Variants in HLCS observed in about 807,000 individuals in gnomAD.
HLCS encodes the protein holocarboxylase synthetase, also known as biotin--protein ligase.
In HLCS, 53 loss-of-function variants were observed where a neutral mutation model predicts 75.0. The observed-to-expected ratio is 0.71, with a 90% CI of 0.57 to 0.89. HLCS has a LOEUF of 0.89. Ranked by LOEUF, HLCS falls within the 40% of genes least tolerant of loss-of-function variation. The pLI is 0.00. For missense variants in HLCS, 966 were observed against 1,074.0 expected (o/e 0.90, Z 1.41); for synonymous variants, 431 against 428.6 (o/e 1.01, Z -0.07).
At chr21:36,861,863 ACTAT>A (rs2063392726) in intron 6 of HLCS, among the ~76,000 whole-genome samples, 1 of 152,096 alleles carries the variant, frequency 6.6e-6, no homozygotes, top group Admixed American at 6.5e-5. Flanking sequence ...AACCATTTCC[ACTAT>A]CTAATTCCAG....
chr21:36,804,724 T>C (rs781782341), intron 6 of HLCS, among the ~76,000 whole-genome samples: 2 of 152,150 alleles, frequency 1.3e-5, no homozygotes, highest in African/African-American at 4.8e-5. Flanking sequence ...CAAGTGCTTG[T>C]ATTTATTTGC....
intron 5 of HLCS, among the ~76,000 whole-genome samples, chr21:36,922,294 T>C (rs2066205233): frequency 6.6e-6 from 1 of 152,236 alleles, no homozygotes; most frequent in Non-Finnish European, 1.5e-5. Flanking sequence ...GTATACCACA[T>C]GATGCTTTGA....
intron 6 of HLCS, among the ~76,000 whole-genome samples, chr21:36,817,901 C>T (rs1332178048): frequency 6.6e-6 from 1 of 152,202 alleles, no homozygotes; most frequent in African/African-American, 2.4e-5. Context: ...AAGCCGCCTA[C>T]AGCTGGCTAA....
chr21:36,889,073 G>A (rs1018480655), intron 6 of HLCS, among the ~76,000 whole-genome samples: 8 of 152,174 alleles, frequency 5.3e-5, no homozygotes, highest in Non-Finnish European at 1.2e-4. Context: ...GAGCCGCCAG[G>A]ACACCTCTCC....
intron 6 of HLCS, among the ~76,000 whole-genome samples, chr21:36,772,722 C>T (rs572543330): frequency 1.3e-4 from 20 of 151,238 alleles, no homozygotes; most frequent in African/African-American, 4.6e-4. Context: ...TGTTGGTTCA[C>T]GCCTGTAATC....
At position 36,806,215 on chromosome 21, in the gene HLCS, G is replaced by A. The variant is rs377039860; in HGVS notation, c.1893-38930C>T. On this transcript the variant is annotated intron_variant, in intron 6 of 10. Transcript: ENST00000674895. ...ATTGAGTTCAGCACAGTCAGGACCA[G>A]AGCCTTTTCCACCATTCATCTCAGG... 7 of 152,574 alleles carry A rather than the reference G, an allele frequency of 4.6e-5. No individual in the cohort carries two copies. In the East Asian group the frequency reaches 1.3e-3, roughly 29 times the overall value. 9.5% of individuals were successfully genotyped at this position (152,574 alleles called of 1,614,324 possible). A position where few individuals can be genotyped will look rare whatever the true frequency, so the allele number is the denominator to read the frequency against.
intron 2 of HLCS, among the ~76,000 whole-genome samples, chr21:36,953,351 T>C (rs2067761862): frequency 6.6e-6 from 1 of 151,724 alleles, no homozygotes; most frequent in East Asian, 1.9e-4. Context: ...ACTGGTGGAG[T>C]AGCACGGGAG....
chr21:36,835,685 C>T (rs1215482292), intron 6 of HLCS, among the ~76,000 whole-genome samples: 1 of 152,204 alleles, frequency 6.6e-6, no homozygotes, highest in East Asian at 1.9e-4. Context: ...AGGGCAGAAT[C>T]AGCTGTCACA....
At chr21:36,844,968 G>A (rs937323869) in intron 6 of HLCS, among the ~76,000 whole-genome samples, 1 of 152,116 alleles carries the variant, frequency 6.6e-6, no homozygotes, top group African/African-American at 2.4e-5. Flanking sequence ...ATACAGCAGA[G>A]AAGGTCAATT....
intron 6 of HLCS, among the ~76,000 whole-genome samples, chr21:36,782,130 T>C (rs989218053): frequency 6.6e-6 from 1 of 152,198 alleles, no homozygotes; most frequent in African/African-American, 2.4e-5. Flanking sequence ...GTAATTTTTA[T>C]ACTGTCTTTA....
intron 2 of HLCS, among the ~76,000 whole-genome samples, chr21:36,957,461 G>A (rs1416970707): frequency 6.6e-6 from 1 of 152,082 alleles, no homozygotes; most frequent in African/African-American, 2.4e-5. Flanking sequence ...AGCAATGCAA[G>A]AACTGCCTAA....
chr21:36,970,877 C>T (rs1480856677), upstream of HLCS, among the ~76,000 whole-genome samples: 1 of 151,694 alleles, frequency 6.6e-6, no homozygotes, highest in African/African-American at 2.4e-5. Flanking sequence ...GCCTGTAATC[C>T]CAGCTACTGA....
At chr21:36,776,813 A>G (rs888041012) in intron 6 of HLCS, among the ~76,000 whole-genome samples, 3 of 152,248 alleles carry the variant, frequency 2.0e-5, no homozygotes, top group Non-Finnish European at 4.4e-5. Context: ...TCTGTGCTCA[A>G]TTGCTCAAAC....
At chr21:36,956,586 C>A (rs2843633) in intron 2 of HLCS, among the ~76,000 whole-genome samples, 100,728 of 151,620 alleles carry the variant, frequency 0.66, 33,758 homozygotes, top group East Asian at 0.89. Flanking sequence ...AAAAATTAGC[C>A]GGGTGTGGTG....
chr21:36,902,529 G>A (rs1417745085), intron 5 of HLCS, among the ~76,000 whole-genome samples: 6 of 152,324 alleles, frequency 3.9e-5, no homozygotes, highest in African/African-American at 2.4e-5. Context: ...ACTGAAATTC[G>A]CTGCTCCCAC....
At chr21:36,868,366 G>C (rs1053107148) in intron 6 of HLCS, among the ~76,000 whole-genome samples, 2 of 151,910 alleles carry the variant, frequency 1.3e-5, no homozygotes, top group South Asian at 2.1e-4. Context: ...TCAATCTCCT[G>C]ACAGTGATTA....
At chr21:36,818,669 C>A (rs1276732777) in intron 6 of HLCS, among the ~76,000 whole-genome samples, 2 of 152,198 alleles carry the variant, frequency 1.3e-5, no homozygotes, top group Non-Finnish European at 2.9e-5. Context: ...ATTAAACCCA[C>A]TTTTAAAAAA....
At chr21:36,961,603 C>T (rs1340624739) in intron 2 of HLCS, among the ~76,000 whole-genome samples, 1 of 151,956 alleles carries the variant, frequency 6.6e-6, no homozygotes, top group African/African-American at 2.4e-5. Flanking sequence ...ATATATTTAA[C>T]CCAAAATATC....
intron 8 of HLCS, among the ~76,000 whole-genome samples, chr21:36,763,797 T>G (rs1445242814): frequency 6.6e-6 from 1 of 152,182 alleles, no homozygotes; most frequent in Non-Finnish European, 1.5e-5. Flanking sequence ...AGAAAATGCT[T>G]CGGTCACTGA....
Sources: allele counts gnomAD v4.1 joint callset (sites outside exome capture counted in the v4.1 genomes callset), GRCh38; gene constraint gnomAD v4.1.1; transcripts MANE v1.5; gene names NCBI Gene and HGNC (gene_info 2026-07-23, HGNC 2026-07-21).